ARHGAP6: variants seen among roughly 807,000 people sequenced by gnomAD.
ARHGAP6 encodes rho GTPase-activating protein 6.
ARHGAP6 carries 16 observed loss-of-function variants against 55.7 expected under a neutral mutation model. That is an observed-to-expected ratio of 0.29 (90% CI 0.19 to 0.44). The LOEUF is 0.44. ARHGAP6 is among the 20% of genes least tolerant of loss of function. ARHGAP6 has a pLI of 1.00. For synonymous variants in ARHGAP6, 382 were observed against 360.9 expected, an observed-to-expected ratio of 1.06 and a Z score of -0.66; for missense variants, 698 against 808.9, an observed-to-expected ratio of 0.86 and a Z score of 1.66.
chrX:11,546,108 T>G (rs952837502), intron 1 of ARHGAP6, among the ~76,000 whole-genome samples: 1 of 111,056 alleles, frequency 9.0e-6, no homozygotes, highest in African/African-American at 3.3e-5. Flanking sequence ...ATTTCATTGT[T>G]TTCTGTGAAC....
intron 1 of ARHGAP6, among the ~76,000 whole-genome samples, chrX:11,297,646 A>G (rs2048108959): frequency 8.9e-6 from 1 of 111,914 alleles, no homozygotes. Context: ...TCAGGTAACA[A>G]TCTATGAGTT....
chrX:11,184,565 A>T (rs1049018123), intron 5 of ARHGAP6, among the ~76,000 whole-genome samples: 1 of 112,528 alleles, frequency 8.9e-6, no homozygotes, highest in African/African-American at 3.2e-5. Flanking sequence ...ATGTGAAAAT[A>T]AAAAAATAAA....
intron 1 of ARHGAP6, among the ~76,000 whole-genome samples, chrX:11,642,795 T>C (rs1237577303): frequency 9.0e-6 from 1 of 111,199 alleles, no homozygotes; most frequent in Non-Finnish European, 1.9e-5. Flanking sequence ...CAAGGAACAG[T>C]GGAGAATGAC....
At position 11,425,315 on chromosome X, in the gene ARHGAP6, C is replaced by T. The variant is rs180732369; in HGVS notation, c.589-170608G>A. Among the ~76,000 whole-genome samples, 575 of 111,881 alleles carry T rather than the reference C, an allele frequency of 5.1e-3. 11 individuals are homozygous for T. The highest frequency in any genetic ancestry group is 0.05 in the Admixed American group (529 of 10,577). ...AAGTAAGTGGAATATTTGTGCTAAA[C>T]GGCAAAACAAGCTCTGGAATTATCA... On this transcript the variant is annotated intron_variant, in intron 1 of 12. Coordinates refer to ENST00000337414, the MANE Select transcript of ARHGAP6 (RefSeq NM_013427.3).
chrX:11,166,238 C>T (rs1199907722), intron 9 of ARHGAP6, among the ~76,000 whole-genome samples: 2 of 111,275 alleles, frequency 1.8e-5, no homozygotes, highest in African/African-American at 6.5e-5. Flanking sequence ...ATTTTGGGTC[C>T]CTGCCAGGCC....
intron 1 of ARHGAP6, among the ~76,000 whole-genome samples, chrX:11,312,832 C>T (rs951453391): frequency 9.0e-6 from 1 of 111,279 alleles, no homozygotes; most frequent in African/African-American, 3.3e-5. Flanking sequence ...AACTCTGCAT[C>T]CAAAATAAAT....
At chrX:11,652,718 G>C (rs920474276) in intron 1 of ARHGAP6, among the ~76,000 whole-genome samples, 19 of 111,582 alleles carry the variant, frequency 1.7e-4, no homozygotes, top group Non-Finnish European at 3.0e-4. Flanking sequence ...TGTGAACACA[G>C]TTCCATGGAG....
At chrX:11,390,742 T>C (rs1411699638) in intron 1 of ARHGAP6, among the ~76,000 whole-genome samples, 1 of 111,743 alleles carries the variant, frequency 8.9e-6, no homozygotes, top group Non-Finnish European at 1.9e-5. Flanking sequence ...ATCAGAGAAA[T>C]GCAAATCAAA....
chrX:11,500,999 T>C (rs140208978), intron 1 of ARHGAP6, among the ~76,000 whole-genome samples: 3 of 111,908 alleles, frequency 2.7e-5, no homozygotes, highest in African/African-American at 9.7e-5. Flanking sequence ...AACTCTAATA[T>C]AGAGGTTGGC....
Position 11,186,436 on chromosome X carries a change from A to G in ARHGAP6, c.1078-5T>C. On this transcript the variant is annotated splice_polypyrimidine_tract_variant and splice_region_variant and intron_variant, in intron 4 of 12. Transcript: ENST00000337414. ...AGAATCCACTGACATGGCACCCTGC[A>G]AGTGACACAGAGCCGTGAACATAAA... is the stretch of plus-strand genomic sequence containing the variant. 8.3e-7 allele frequency: 1 copy of G among 1,207,513 alleles called. No individual in the cohort carries two copies.
intron 1 of ARHGAP6, among the ~76,000 whole-genome samples, chrX:11,380,524 G>A (rs1317396657): frequency 8.9e-6 from 1 of 112,065 alleles, no homozygotes; most frequent in Non-Finnish European, 1.9e-5. Context: ...TTAGAGCAGA[G>A]CTTCTCTCCC....
At chrX:11,200,620 G>A in intron 2 of ARHGAP6, among the ~76,000 whole-genome samples, 1 of 112,222 alleles carries the variant, frequency 8.9e-6, no homozygotes, top group Non-Finnish European at 1.9e-5. Context: ...CCATTTTAAG[G>A]CTTCTTTCTC....
chrX:11,466,252 A>G (rs1483835391), intron 1 of ARHGAP6, among the ~76,000 whole-genome samples: 7 of 111,681 alleles, frequency 6.3e-5, no homozygotes, highest in Non-Finnish European at 9.4e-5. Context: ...TAGCTCCTAA[A>G]AATATTTTGT....
intron 1 of ARHGAP6, among the ~76,000 whole-genome samples, chrX:11,443,785 G>C (rs976859626): frequency 1.8e-5 from 2 of 111,332 alleles, no homozygotes; most frequent in Non-Finnish European, 3.8e-5. Context: ...AAAATTAGCC[G>C]GTCATGGTGG....
At chrX:11,523,840 C>G (rs971074511) in intron 1 of ARHGAP6, among the ~76,000 whole-genome samples, 1 of 111,330 alleles carries the variant, frequency 9.0e-6, no homozygotes, top group African/African-American at 3.3e-5. Context: ...AACCACGGTA[C>G]TCAAGGAGAA....
chrX:11,178,796 G>T (rs2046271925), intron 7 of ARHGAP6, among the ~76,000 whole-genome samples: 1 of 112,015 alleles, frequency 8.9e-6, no homozygotes, highest in Non-Finnish European at 1.9e-5. Flanking sequence ...GTTGACCCAG[G>T]TTTGGCCTAT....
intron 3 of ARHGAP6, among the ~76,000 whole-genome samples, chrX:11,190,400 A>G (rs1382113405): frequency 9.4e-6 from 1 of 106,465 alleles, no homozygotes; most frequent in East Asian, 2.9e-4. Flanking sequence ...TGTGTCTACT[A>G]CTAGCAAAAT....
At chrX:11,655,010 A>G (rs772960014) in intron 1 of ARHGAP6, among the ~76,000 whole-genome samples, 7 of 111,736 alleles carry the variant, frequency 6.3e-5, no homozygotes, top group Admixed American at 9.5e-5. Context: ...CATTTTCATT[A>G]CCCTAAGAAG....
intron 1 of ARHGAP6, among the ~76,000 whole-genome samples, chrX:11,647,648 C>A (rs186481097): frequency 4.3e-4 from 48 of 112,213 alleles, no homozygotes; most frequent in African/African-American, 1.5e-3. Flanking sequence ...CTTATCAACA[C>A]GCATATGGCC....
Sources: gnomAD v4.1 joint callset for allele counts (sites outside exome capture counted in the v4.1 genomes callset) on GRCh38, gnomAD v4.1.1 for gene constraint, MANE v1.5 for transcripts, NCBI Gene and HGNC (gene_info 2026-07-23, HGNC 2026-07-21) for gene names.